GRIK1: variants seen among roughly 807,000 people sequenced by gnomAD.
GRIK1 encodes glutamate receptor ionotropic, kainate 1.
A neutral mutation model predicts 105.7 loss-of-function variants in GRIK1; 69 were observed. That is an observed-to-expected ratio of 0.65 (90% CI 0.54 to 0.80). The LOEUF (loss-of-function observed/expected upper bound fraction) is 0.80, where lower values mean the gene tolerates loss of function less well. Among genes scored for constraint, GRIK1 ranks in the 30% least tolerant of loss-of-function variants. The probability of loss-of-function intolerance (pLI) is 0.00; values close to 1 mark genes in which losing one functional copy is unlikely to be tolerated. For synonymous variants in GRIK1, 438 were observed against 431.3 expected, an observed-to-expected ratio of 1.02 and a Z score of -0.19; for missense variants, 1,109 against 1,167.3, an observed-to-expected ratio of 0.95 and a Z score of 0.73.
intron 1 of GRIK1, among the ~76,000 whole-genome samples, chr21:29,890,332 C>T (rs1419142369): frequency 6.6e-6 from 1 of 152,122 alleles, no homozygotes; most frequent in Non-Finnish European, 1.5e-5. Context: ...TTTTCACTTA[C>T]TTTGAATTTT....
chr21:29,599,757 T>G (rs1015670910), intron 7 of GRIK1, among the ~76,000 whole-genome samples: 2 of 152,106 alleles, frequency 1.3e-5, no homozygotes, highest in African/African-American at 4.8e-5. Context: ...TCCACTGCGC[T>G]CCAGGAGCCT....
intron 1 of GRIK1, among the ~76,000 whole-genome samples, chr21:29,716,622 C>T (rs1299222819): frequency 6.6e-6 from 1 of 152,166 alleles, no homozygotes; most frequent in Non-Finnish European, 1.5e-5. Flanking sequence ...CATTTTGCTC[C>T]TGCCCTAGAG....
At chr21:29,717,547 T>G (rs1444998312) in intron 1 of GRIK1, among the ~76,000 whole-genome samples, 2 of 152,394 alleles carry the variant, frequency 1.3e-5, no homozygotes, top group East Asian at 3.9e-4. Flanking sequence ...GTTTAATGAC[T>G]GCCTTATTGG....
chr21:29,774,586 G>A (rs2065895932), intron 1 of GRIK1, among the ~76,000 whole-genome samples: 1 of 151,850 alleles, frequency 6.6e-6, no homozygotes, highest in Non-Finnish European at 1.5e-5. Context: ...TGGATAGCTG[G>A]GACTACAGGC....
intron 1 of GRIK1, among the ~76,000 whole-genome samples, chr21:29,830,228 T>C (rs1203440415): frequency 6.6e-6 from 1 of 152,086 alleles, no homozygotes; most frequent in Non-Finnish European, 1.5e-5. Flanking sequence ...TGAGAGTGTC[T>C]GTGTGTCTGT....
chr21:29,799,924 G>T (rs959502490), intron 1 of GRIK1, among the ~76,000 whole-genome samples: 3 of 152,144 alleles, frequency 2.0e-5, no homozygotes, highest in African/African-American at 7.2e-5. Context: ...ACCATTATTG[G>T]CTCTACAGTA....
chr21:29,893,006 C>A (rs1324740811), intron 1 of GRIK1, among the ~76,000 whole-genome samples: 2 of 152,156 alleles, frequency 1.3e-5, no homozygotes, highest in African/African-American at 4.8e-5. Flanking sequence ...GAAACCCCAC[C>A]TCAACTGAAG....
chr21:29,787,319 C>T (rs1285375397), intron 1 of GRIK1, among the ~76,000 whole-genome samples: 4 of 152,136 alleles, frequency 2.6e-5, no homozygotes, highest in Non-Finnish European at 5.9e-5. Context: ...TATTAGATAA[C>T]TCTACAGTGT....
chr21:29,556,275 T>C (rs771605530), intron 15 of GRIK1, among the ~76,000 whole-genome samples: 2 of 152,234 alleles, frequency 1.3e-5, no homozygotes, highest in African/African-American at 4.8e-5. Flanking sequence ...TTAATATGTA[T>C]GTTTAGCCAA....
At chr21:29,923,149 T>G (rs940326687) in intron 1 of GRIK1, among the ~76,000 whole-genome samples, 4 of 152,200 alleles carry the variant, frequency 2.6e-5, no homozygotes, top group South Asian at 2.1e-4. Context: ...TTATGAAATA[T>G]AATGCTAATT....
chr21:29,708,786 C>T (rs1052248058), intron 1 of GRIK1, among the ~76,000 whole-genome samples: 3 of 152,110 alleles, frequency 2.0e-5, no homozygotes, highest in Non-Finnish European at 4.4e-5. Context: ...CAATTTTAAT[C>T]CTCTTTTTAA....
At chr21:29,754,122 A>T (rs1415399091) in intron 1 of GRIK1, among the ~76,000 whole-genome samples, 3 of 152,200 alleles carry the variant, frequency 2.0e-5, no homozygotes, top group Admixed American at 2.0e-4. Flanking sequence ...CTGCATAGTA[A>T]AATATTCTAA....
intron 1 of GRIK1, among the ~76,000 whole-genome samples, chr21:29,933,084 T>A (rs2071629847): frequency 6.6e-6 from 1 of 152,052 alleles, no homozygotes; most frequent in Non-Finnish European, 1.5e-5. Flanking sequence ...AAAGAAAAAA[T>A]ATTTATTAAG....
intron 1 of GRIK1, among the ~76,000 whole-genome samples, chr21:29,757,063 G>A (rs976899555): frequency 3.3e-5 from 5 of 152,044 alleles, no homozygotes; most frequent in African/African-American, 7.2e-5. Context: ...GTTGCAGTGA[G>A]CCAAGATCGC....
chr21:29,730,876 A>G (rs2064605789), intron 1 of GRIK1, among the ~76,000 whole-genome samples: 1 of 152,214 alleles, frequency 6.6e-6, no homozygotes, highest in African/African-American at 2.4e-5. Flanking sequence ...AAATAAAAAT[A>G]TAAACCTTAT....
chr21:29,693,855 A>C, intron 2 of GRIK1, 41 bp downstream of exon 2: 1 of 1,477,736 alleles, frequency 6.8e-7, no homozygotes, highest in Non-Finnish European at 9.4e-7. Context: ...GAGAGCAGAC[A>C]TATCACCCAA....
At chr21:29,826,441 C>T (rs78700070) in intron 1 of GRIK1, among the ~76,000 whole-genome samples, 5 of 152,076 alleles carry the variant, frequency 3.3e-5, no homozygotes, top group Non-Finnish European at 5.9e-5. Flanking sequence ...AGATTATTCT[C>T]TATAAAGTGG....
At chr21:29,885,323 A>G (rs1000743984) in intron 1 of GRIK1, among the ~76,000 whole-genome samples, 1 of 152,110 alleles carries the variant, frequency 6.6e-6, no homozygotes, top group Non-Finnish European at 1.5e-5. Context: ...ATATAGGCAT[A>G]TTAAAAGTTC....
At chr21:29,624,286 T>G (rs1357197641) in intron 7 of GRIK1, among the ~76,000 whole-genome samples, 3 of 152,336 alleles carry the variant, frequency 2.0e-5, no homozygotes, top group Admixed American at 1.3e-4. Flanking sequence ...TTTTTTGGGT[T>G]ATAAATCATG....
Sources: allele counts gnomAD v4.1 joint callset (sites outside exome capture counted in the v4.1 genomes callset), GRCh38; gene constraint gnomAD v4.1.1; transcripts MANE v1.5; gene names NCBI Gene and HGNC (gene_info 2026-07-23, HGNC 2026-07-21).